The following GBF1 variants were observed in gnomAD, a reference collection of about 807,000 sequenced individuals.
GBF1 encodes the protein Golgi-specific brefeldin A-resistance guanine nucleotide exchange factor 1.
A neutral mutation model predicts 210.5 loss-of-function variants in GBF1; 114 were observed. The ratio of observed to expected loss-of-function variants is 0.54; its 90% CI spans 0.47 to 0.63. The LOEUF (loss-of-function observed/expected upper bound fraction) is 0.63. Ranked by LOEUF, GBF1 falls within the 30% of genes least tolerant of loss-of-function variation. The pLI, the probability that GBF1 is intolerant of heterozygous loss-of-function variation, is 0.00. For synonymous variants in GBF1, 850 were observed against 889.2 expected (o/e 0.96, Z 0.78); for missense variants, 1,851 against 2,357.7 (o/e 0.79, Z 4.45).
At chr10:102,244,603 C>T (rs1386904870), upstream of GBF1, among the ~76,000 whole-genome samples, 1 of 152,190 alleles carries the variant, frequency 6.6e-6, no homozygotes, top group Non-Finnish European at 1.5e-5. Flanking sequence ...CTTCTGTTTC[C>T]TATCACTGAT....
rs1283130574 is a variant in GBF1 at position 102,375,412 on chromosome 10, A to AGTCAGCCACCAGGTTGC, written c.3717_3733dup (p.Tyr1245SerfsTer13). ...TGATGAAGCCCAGTGTGCTATCCCGAGTCAGCCACCAGGTTGCGTATGGGC... is the reference window on the plus strand; with the variant it reads ...TGATGAAGCCCAGTGTGCTATCCCGAGTCAGCCACCAGGTTGCGTCAGCCACCAGGTTGCGTATGGGC... On this transcript the variant is annotated frameshift_variant, in exon 30 of 40. Coordinates refer to ENST00000369983, the MANE Select transcript of GBF1 (RefSeq NM_001377137.1). LOFTEE classifies it high-confidence loss of function. The AGTCAGCCACCAGGTTGC allele has an allele frequency of 6.2e-7, 1 of 1,613,828 alleles. No homozygotes were observed. Among genetic ancestry groups the AGTCAGCCACCAGGTTGC allele is most frequent in the African/African-American group, 1.3e-5 (1 of 74,870 alleles).
chr10:102,258,935 C>T lies in GBF1; in HGVS notation c.-4C>T. On this transcript the variant is annotated 5_prime_UTR_variant, in exon 2 of 40. Coordinates refer to ENST00000369983, the MANE Select transcript of GBF1 (RefSeq NM_001377137.1). ...ATCTTAACTGTTTTGGTAGGTTTGC[C>T]AAGATGGTGGATAAGAATATTTACA... The T allele has an allele frequency of 2.6e-6, 4 of 1,566,338 alleles. No individual in the cohort carries two copies. The highest frequency in any genetic ancestry group is 1.1e-5 in the South Asian group (1 of 90,092).
At chr10:102,313,774 C>T (rs745654495) in intron 3 of GBF1, among the ~76,000 whole-genome samples, 1 of 152,112 alleles carries the variant, frequency 6.6e-6, no homozygotes, top group Non-Finnish European at 1.5e-5. Flanking sequence ...ACATGGAGAT[C>T]GAGTCTGAAT....
Position 102,360,170 on chromosome 10 carries a change from C to G in GBF1, c.1181-14C>G. 4 of 1,579,544 alleles carry G rather than the reference C, an allele frequency of 2.5e-6. No individual in the cohort carries two copies. The highest frequency in any genetic ancestry group is 3.5e-6 in the Non-Finnish European group (4 of 1,148,566). ...GTTTTATAGCAGTCTCACTCTCCTC[C>G]TGGCCTTCCCCAGGCACAGCTTTGG... On this transcript the variant is annotated splice_polypyrimidine_tract_variant and intron_variant, in intron 11 of 39. Coordinates refer to ENST00000369983, the MANE Select transcript of GBF1 (RefSeq NM_001377137.1).
intron 1 of GBF1, among the ~76,000 whole-genome samples, chr10:102,247,700 G>C (rs1444579242): frequency 2.0e-5 from 3 of 151,862 alleles, no homozygotes; most frequent in African/African-American, 4.8e-5. Context: ...TTTCTAGATA[G>C]GAATAATTCC....
At chr10:102,306,468 G>T (rs1186044822) in intron 3 of GBF1, among the ~76,000 whole-genome samples, 1 of 152,182 alleles carries the variant, frequency 6.6e-6, no homozygotes, top group Non-Finnish European at 1.5e-5. Context: ...TTGTCGCCCA[G>T]GCTGGAGTGC....
At chr10:102,281,566 A>G (rs1371488206) in intron 3 of GBF1, among the ~76,000 whole-genome samples, 3 of 149,094 alleles carry the variant, frequency 2.0e-5, no homozygotes, top group African/African-American at 7.3e-5. Flanking sequence ...TCTATAAATT[A>G]TATTTATATA....
chr10:102,233,181 C>T, the GBF1 span, among the ~76,000 whole-genome samples: 2 of 152,094 alleles, frequency 1.3e-5, no homozygotes, highest in Non-Finnish European at 2.9e-5. Context: ...TGGGGCCTTC[C>T]CTCGAGATTC....
intron 3 of GBF1, among the ~76,000 whole-genome samples, chr10:102,310,108 A>G (rs1453401499): frequency 7.2e-5 from 11 of 152,334 alleles, no homozygotes; most frequent in African/African-American, 2.6e-4. Flanking sequence ...TGTTGTTGGT[A>G]GAAGTGGTGA....
intron 3 of GBF1, among the ~76,000 whole-genome samples, chr10:102,265,727 A>G (rs1167475877): frequency 6.6e-6 from 1 of 152,192 alleles, no homozygotes; most frequent in East Asian, 1.9e-4. Context: ...AAGTATCACA[A>G]CCAAAATCTT....
chr10:102,260,200 A>G, intron 3 of GBF1, 84 bp downstream of exon 3: 1 of 767,718 alleles, frequency 1.3e-6, no homozygotes, highest in East Asian at 2.5e-5. Flanking sequence ...AACTTTTTGT[A>G]TAAAGGACTT....
At chr10:102,377,239 G>A in intron 33 of GBF1, 99 bp downstream of exon 33, 1 of 894,928 alleles carries the variant, frequency 1.1e-6, no homozygotes, top group Non-Finnish European at 1.8e-6. Flanking sequence ...GGGCCCATGT[G>A]TGCCAGCCCA....
chr10:102,239,801 T>G, the GBF1 span, among the ~76,000 whole-genome samples: 1 of 152,188 alleles, frequency 6.6e-6, no homozygotes, highest in Non-Finnish European at 1.5e-5. Flanking sequence ...TGGTTAGAAT[T>G]GGGGTCAGGG....
chr10:102,345,296 A>AG (rs2058466970), intron 4 of GBF1, among the ~76,000 whole-genome samples: 1 of 151,580 alleles, frequency 6.6e-6, no homozygotes, highest in African/African-American at 2.4e-5. Context: ...AAAAAAAAAA[A>AG]AGAATAGAAT....
In GBF1 at chr10:102,379,450, C is replaced by CA; in HGVS notation, c.4645+17dup. 1 of 1,614,004 alleles carries CA rather than the reference C, an allele frequency of 6.2e-7. No individual in the cohort carries two copies. Among genetic ancestry groups the CA allele is most frequent in the Non-Finnish European group, 8.5e-7 (1 of 1,179,972 alleles). On this transcript the variant is annotated intron_variant, in intron 34 of 39. Transcript: ENST00000369983. ...TTACTGCAGGGTAAACCAGGAGGGG[C>CA]AGAGGTAGGGAGTTTGGGGAGCATC...
rs762010839 is a variant in GBF1, at chr10:102,375,371, C to T, written c.3673C>T (p.Leu1225=). The part of the protein sequence containing the change: ...EEISAQVLLS[L]RILLLMKPSV... The stretch of plus-strand genomic sequence containing the variant: ...AACCCCACTCCAGGTGCTGCTCTCC[C>T]TGCGCATTTTGCTACTGATGAAGCC... The change falls in exon 30 of 40, where the codon CTG becomes TTG. Residue 1225 remains leucine (L), a synonymous_variant. Coordinates refer to ENST00000369983, the MANE Select transcript of GBF1 (RefSeq NM_001377137.1). 1 of 1,610,644 alleles carries T rather than the reference C, an allele frequency of 6.2e-7. No homozygotes were observed. Among genetic ancestry groups the T allele is most frequent in the Non-Finnish European group, 8.5e-7 (1 of 1,176,986 alleles).
rs773726097 is a variant in GBF1, at chr10:102,370,487, A to T, written c.3506+9A>T. The T allele has an allele frequency of 6.3e-7, 1 of 1,598,912 alleles. No individual in the cohort carries two copies. The highest frequency in any genetic ancestry group is 8.6e-7 in the Non-Finnish European group (1 of 1,166,086). ...ATTGTGTTGGAGAACAGGTAAGATG[A>T]GCGTAGTCTTTAGGCAGACCCCATG... On this transcript the variant is annotated intron_variant, in intron 28 of 39. Transcript: ENST00000369983.
intron 13 of GBF1, among the ~76,000 whole-genome samples, 158 bp from the exon 14 acceptor site, chr10:102,361,560 G>A (rs570363171): frequency 6.6e-6 from 1 of 152,244 alleles, no homozygotes; most frequent in African/African-American, 2.4e-5. Flanking sequence ...GGCCAAAGAA[G>A]AGATATATTT....
Position 102,351,896 on chromosome 10 carries a change from T to G in GBF1, c.468T>G (p.Ser156=). Residue 156 remains serine, a synonymous_variant, in exon 6 of 40, where the codon TCT becomes TCG. Coordinates refer to ENST00000369983, the MANE Select transcript of GBF1 (RefSeq NM_001377137.1). ...TPVGAHLTNE[S]VCEIMQSCFR... is the part of the protein sequence containing the mutation. ...TGGGTGCCCACCTAACCAATGAATC[T>G]GTGTGTGAGATTATGCAGTCTTGCT... The G allele has an allele frequency of 6.2e-7, 1 of 1,612,470 alleles. No homozygotes were observed. The highest frequency in any genetic ancestry group is 8.5e-7 in the Non-Finnish European group (1 of 1,178,460).
Sources: gnomAD v4.1 joint callset for allele counts (sites outside exome capture counted in the v4.1 genomes callset) on GRCh38, gnomAD v4.1.1 for gene constraint, MANE v1.5 for transcripts, NCBI Gene and HGNC (gene_info 2026-07-23, HGNC 2026-07-21) for gene names.